The following CSPG4 variants were observed in gnomAD, a reference collection of about 807,000 sequenced individuals.
CSPG4 encodes the protein chondroitin sulfate proteoglycan 4, also known as chondroitin sulfate proteoglycan 4 (melanoma-associated).
A neutral mutation model predicts 139.3 loss-of-function variants in CSPG4; 74 were observed. That is an observed-to-expected ratio of 0.53 (90% CI 0.44 to 0.64). The LOEUF is 0.64. Ranked by LOEUF, CSPG4 falls within the 30% of genes least tolerant of loss-of-function variation. The pLI, the probability that CSPG4 is intolerant of heterozygous loss-of-function variation, is 0.00. For missense variants in CSPG4, 2,565 were observed against 3,148.3 expected (o/e 0.81, Z 4.43); for synonymous variants, 1,234 against 1,394.2 (o/e 0.89, Z 2.56).
upstream of CSPG4, chr15:75,712,918 G>C: frequency 1.8e-6 from 1 of 567,814 alleles, no homozygotes; most frequent in Non-Finnish European, 3.0e-6. Context: ...CGCCCGCTCG[G>C]GTTTCAGGCT....
chr15:75,687,682 C>G lies in CSPG4; in HGVS notation c.3383G>C (p.Arg1128Pro). 1 of 1,612,934 alleles carries G rather than the reference C, an allele frequency of 6.2e-7. No homozygotes were observed. The highest frequency in any genetic ancestry group is 8.5e-7 in the Non-Finnish European group (1 of 1,179,980). ...LEVQASEPYLRVANGSSLVVP... is the reference protein window; with the variant it reads ...LEVQASEPYLPVANGSSLVVP... Reference sequence around the variant, plus strand: ...CACAAGGCTGGAGCCGTTGGCCACACGGAGGTAGGGTTCCGAGGCCTGCAC... The same window carrying G: ...CACAAGGCTGGAGCCGTTGGCCACAGGGAGGTAGGGTTCCGAGGCCTGCAC... Residue 1128 changes from arginine to proline, a missense_variant, in exon 3 of 10, where the codon CGT becomes CCT. By Grantham distance (103) the Arg-to-Pro change is moderately radical. This residue lies in a region of CSPG4 where 2,316 missense variants were observed against 2,818.2 expected (regional missense o/e 0.82). Coordinates refer to ENST00000308508, the MANE Select transcript of CSPG4 (RefSeq NM_001897.5). The surrounding 1 kb of genome is among the most constrained non-coding windows in gnomAD (Gnocchi z 5.4).
chr15:75,694,789 G>A lies in CSPG4; in HGVS notation c.89-1556C>T, dbSNP rs145592271. Among the ~76,000 whole-genome samples, 767 of 152,378 alleles carry A rather than the reference G, an allele frequency of 5.0e-3. 2 individuals carry two copies. Among genetic ancestry groups the A allele is most frequent in the Non-Finnish European group, 7.7e-3 (527 of 68,044 alleles). On this transcript the variant is annotated intron_variant, in intron 1 of 9. Coordinates refer to ENST00000308508, the MANE Select transcript of CSPG4 (RefSeq NM_001897.5). ...CCCTGCAGACCATCTGCGCGGGGGC[G>A]GCCCAGCTGGTTCAGCAGAGCTTGG...
intron 1 of CSPG4, among the ~76,000 whole-genome samples, chr15:75,695,503 G>GC (rs1205607434): frequency 6.6e-6 from 1 of 152,156 alleles, no homozygotes; most frequent in Non-Finnish European, 1.5e-5. Context: ...TGGCCAGGCA[G>GC]CCCCCCACCC....
At position 75,712,730 on chromosome 15, in the gene CSPG4, A is replaced by C; in HGVS notation, c.26T>G (p.Leu9Arg). The change falls in exon 1 of 10, where the codon CTT (leucine) becomes CGT (arginine). Residue 9 changes from leucine to arginine, a missense_variant. Leu to Arg is a moderately radical substitution (Grantham distance 102). Around this residue, in one of 5 missense-constraint regions of CSPG4, gnomAD observed 47 missense variants for 48.7 expected, o/e 0.97. Coordinates refer to ENST00000308508, the MANE Select transcript of CSPG4 (RefSeq NM_001897.5). ...AGCCAAGGCCAGGCCGGGGGCTGGA[A>C]GTGGGGGCCGCGGCCCGGACTGCAT... MQSGPRPP[L>R]PAPGLALALT... The C allele has an allele frequency of 2.6e-6, 4 of 1,558,800 alleles. No individual in the cohort carries two copies. Among genetic ancestry groups the C allele is most frequent in the Non-Finnish European group, 3.5e-6 (4 of 1,152,092 alleles).
rs894565031 is a variant in CSPG4 at position 75,696,060 on chromosome 15, T to C, written c.89-2827A>G. Among the ~76,000 whole-genome samples, 13 of 152,090 alleles carry C rather than the reference T, an allele frequency of 8.5e-5. No homozygotes were observed. Among genetic ancestry groups the C allele is most frequent in the Non-Finnish European group, 1.8e-4 (12 of 67,996 alleles). On this transcript the variant is annotated intron_variant, in intron 1 of 9. Coordinates refer to ENST00000308508, the MANE Select transcript of CSPG4 (RefSeq NM_001897.5). The surrounding 1 kb of genome is among the most constrained non-coding windows in gnomAD (Gnocchi z 4.2). ...GATTCTCCTGGGTCAAGAGGACCCA[T>C]GATTCATCAAAACAGCAGACCAAAC...
chr15:75,693,803 G>A (rs573426655), intron 1 of CSPG4, among the ~76,000 whole-genome samples: 1 of 152,372 alleles, frequency 6.6e-6, no homozygotes, highest in East Asian at 1.9e-4. Context: ...CTGGGATCTG[G>A]GGGTGGTGTC....
intron 1 of CSPG4, among the ~76,000 whole-genome samples, chr15:75,700,667 G>T (rs1894290468): frequency 6.6e-6 from 1 of 152,168 alleles, no homozygotes; most frequent in Non-Finnish European, 1.5e-5. Context: ...GGCAGCCCAT[G>T]GCTCATCTCT....
In CSPG4 at chr15:75,693,551, C is replaced by T. The variant is rs566681455; in HGVS notation, c.89-318G>A. On this transcript the variant is annotated intron_variant, in intron 1 of 9. Coordinates refer to ENST00000308508, the MANE Select transcript of CSPG4 (RefSeq NM_001897.5). The stretch of plus-strand genomic sequence containing the variant: ...CCTCCGCCAGCTCTGACTCGCCTCC[C>T]CTGGGCCCCAGAGGAGTCTCCCTCG... 1.2e-4 allele frequency among the ~76,000 whole-genome samples: 18 copies of T among 152,352 alleles called. No homozygotes were observed. In the East Asian group the frequency reaches 1.9e-3, roughly 16 times the overall value.
chr15:75,700,738 C>T (rs1894291353), intron 1 of CSPG4, among the ~76,000 whole-genome samples: 2 of 152,112 alleles, frequency 1.3e-5, no homozygotes, highest in East Asian at 1.9e-4. Flanking sequence ...GGCGGCGTCT[C>T]GGGGCTTCCC....
In CSPG4 at chr15:75,682,961, G is replaced by A. The variant is rs1486781743; in HGVS notation, c.4530C>T (p.Val1510=). The change falls in exon 6 of 10, where the codon GTC becomes GTT. Residue 1510 remains valine, a synonymous_variant. Transcript: ENST00000308508. The stretch of plus-strand genomic sequence containing the variant: ...CGTTGCTGGGCTGCTCGATGGTGTA[G>A]ACCAGATCCTCAGACCCAGAGTCGC... ...TDGDSGSEDL[V]YTIEQPSNGR... The A allele has an allele frequency of 6.2e-7, 1 of 1,611,580 alleles. No homozygotes were observed. The highest frequency in any genetic ancestry group is 8.5e-7 in the Non-Finnish European group (1 of 1,179,694).
chr15:75,684,614 C>T lies in CSPG4; in HGVS notation c.4449+122G>A, dbSNP rs574160927. On this transcript the variant is annotated intron_variant, in intron 5 of 9. Coordinates refer to ENST00000308508, the MANE Select transcript of CSPG4 (RefSeq NM_001897.5). ...AACAACCCCGTGAGGCATGTGGCAGCGTCCCCATTTTGCAGAGGAGGAAAC... is the reference window on the plus strand; with the variant it reads ...AACAACCCCGTGAGGCATGTGGCAGTGTCCCCATTTTGCAGAGGAGGAAAC... 2,616 of 860,860 alleles carry T rather than the reference C, an allele frequency of 3.0e-3. 11 individuals carry two copies. The highest frequency in any genetic ancestry group is 2.9e-3 in the South Asian group (174 of 59,644). The allele number at this position is 860,860 out of a possible 1,614,324, so 53.3% of individuals were successfully genotyped here. A position where few individuals can be genotyped will look rare whatever the true frequency, so the allele number is the denominator to read the frequency against.
chr15:75,678,606 G>A lies in CSPG4; in HGVS notation c.4951-720C>T, dbSNP rs781389888. The A allele has an allele frequency of 4.0e-5, 18 of 454,362 alleles. 1 individual carries two copies. The highest frequency in any genetic ancestry group is 1.2e-4 in the South Asian group (8 of 64,456). The allele number at this position is 454,362 out of a possible 1,614,324, so 28.1% of individuals were successfully genotyped here. ...TGGGCTCAAGCGGTCCACTTGCCTC[G>A]GCCTCCCAGAGTGCTAGGATTACAG... On this transcript the variant is annotated intron_variant, in intron 8 of 9. Transcript: ENST00000308508.
At position 75,685,289 on chromosome 15, in the gene CSPG4, G is replaced by A. The variant is rs886168334; in HGVS notation, c.4202C>T (p.Pro1401Leu). The change falls in exon 4 of 10, where the codon CCC becomes CTC. Residue 1401 changes from proline to leucine, a missense_variant. By Grantham distance (98) the Pro-to-Leu change is moderately conservative (BLOSUM62 -3). Coordinates refer to ENST00000308508, the MANE Select transcript of CSPG4 (RefSeq NM_001897.5). The part of the protein sequence containing the change: ...LGLSLQVLEP[P>L]QHGALQKEDG... ...CTCCTTCTGCAGGGCTCCATGCTGG[G>A]GTGGCTCCAGCACCTGCAGGCTGAG... 1 of 1,579,334 alleles carries A rather than the reference G, an allele frequency of 6.3e-7. No homozygotes were observed. The highest frequency in any genetic ancestry group is 8.6e-7 in the Non-Finnish European group (1 of 1,160,338).
In CSPG4 at chr15:75,684,918, G is replaced by A; in HGVS notation, c.4273-6C>T. 3 of 1,604,948 alleles carry A rather than the reference G, an allele frequency of 1.9e-6. No individual in the cohort carries two copies. The highest frequency in any genetic ancestry group is 2.6e-6 in the Non-Finnish European group (3 of 1,172,984). ...CGGATCAGCTGCTCTTCCACCTAGG[G>A]GCAGGCCCAGGGCTGGCAGTCAGGC... On this transcript the variant is annotated splice_polypyrimidine_tract_variant and splice_region_variant and intron_variant, in intron 4 of 9. Transcript: ENST00000308508.
chr15:75,697,337 C>T (rs534599580), intron 1 of CSPG4, among the ~76,000 whole-genome samples: 1 of 152,234 alleles, frequency 6.6e-6, no homozygotes, highest in East Asian at 1.9e-4. Flanking sequence ...CTAGGACAGT[C>T]TGGAGGGCCC....
rs752131412 is a variant in CSPG4, at chr15:75,689,811, C to A, written c.1254G>T (p.Glu418Asp). 1 of 1,612,736 alleles carries A rather than the reference C, an allele frequency of 6.2e-7. No homozygotes were observed. The highest frequency in any genetic ancestry group is 1.7e-5 in the Admixed American group (1 of 60,014). The change falls in exon 3 of 10, where the codon GAG becomes GAT. Residue 418 changes from glutamate (E) to aspartate (D), a missense_variant. Physicochemically the swap from Glu to Asp is conservative, Grantham distance 45. Transcript: ENST00000308508. ...TGGCAAAGACAGGAGGCAGCCCTGG[C>A]TCAGGCACGCATGGCTCAGGCAGCT... ...AMELPEPCVPEPGLPPVFANF... is the reference protein window; with the variant it reads ...AMELPEPCVPDPGLPPVFANF...
At position 75,688,845 on chromosome 15, in the gene CSPG4, G is replaced by T. The variant is rs73439302; in HGVS notation, c.2220C>A (p.Arg740=). Reference sequence around the variant, plus strand: ...GTGGGTCAGTGCTCAGGTACCTCACGCGGCCCTGCTCCACATCCCGCTGGT... The same window carrying T: ...GTGGGTCAGTGCTCAGGTACCTCACTCGGCCCTGCTCCACATCCCGCTGGT... ...AFHQRDVEQG[R]VRYLSTDPQH... Residue 740 remains arginine, a synonymous_variant, in exon 3 of 10, where the codon CGC becomes CGA. Coordinates refer to ENST00000308508, the MANE Select transcript of CSPG4 (RefSeq NM_001897.5). 3.7e-6 allele frequency: 6 copies of T among 1,612,468 alleles called. No homozygotes were observed. The African/African-American group carries it at 4.0e-5, about 11-fold the overall frequency.
Position 75,676,142 on chromosome 15 carries a change from T to A in CSPG4, c.6377A>T (p.Glu2126Val), listed in dbSNP as rs1293974046. The A allele has an allele frequency of 1.3e-6, 2 of 1,544,034 alleles. No individual in the cohort carries two copies. The highest frequency in any genetic ancestry group is 3.9e-5 in the Admixed American group (2 of 51,718). The change falls in exon 10 of 10, where the codon GAG becomes GTG. Residue 2126 changes from glutamate to valine, a missense_variant. Physicochemically the swap from Glu to Val is moderately radical, Grantham distance 121. Around this residue, in one of 5 missense-constraint regions of CSPG4, gnomAD observed 2,316 missense variants for 2,818.2 expected, o/e 0.82. Transcript: ENST00000308508. Reference sequence around the variant, plus strand: ...GGCCCTCCCCTCTGGCCTGCCCACCTCCAGCCCCAGCCTCCCGTCCTCAAG... The same window carrying A: ...GGCCCTCCCCTCTGGCCTGCCCACCACCAGCCCCAGCCTCCCGTCCTCAAG... ...QDLEDGRLGL[E>V]VGRPEGRAPG...
In CSPG4 at chr15:75,688,770, C is replaced by T. The variant is rs781511527; in HGVS notation, c.2295G>A (p.Val765=). 6.2e-7 allele frequency: 1 copy of T among 1,612,794 alleles called. No homozygotes were observed. The highest frequency in any genetic ancestry group is 8.5e-7 in the Non-Finnish European group (1 of 1,179,850). ...TVENLALEVQ[V]GQEILSNLSF... is the part of the protein sequence containing the mutation. ...ACAGATTGCTCAGGATCTCCTGGCC[C>T]ACCTGCACCTCCAGGGCCAGGTTCT... The change falls in exon 3 of 10, where the codon GTG becomes GTA. Residue 765 remains valine (V), a synonymous_variant. Coordinates refer to ENST00000308508, the MANE Select transcript of CSPG4 (RefSeq NM_001897.5).
Sources: gnomAD v4.1 joint callset for allele counts (sites outside exome capture counted in the v4.1 genomes callset) on GRCh38, gnomAD v4.1.1 for gene constraint, gnomAD v4.1.1 regional missense constraint, Gnocchi (gnomAD v3.1) non-coding constraint, MANE v1.5 for transcripts, NCBI Gene and HGNC (gene_info 2026-07-23, HGNC 2026-07-21) for gene names.